Variants in TOX observed in about 807,000 individuals in gnomAD.
TOX encodes the protein thymocyte selection-associated high mobility group box protein TOX.
In TOX, 11 loss-of-function variants were observed where a neutral mutation model predicts 53.7. The ratio of observed to expected loss-of-function variants is 0.20; its 90% CI spans 0.13 to 0.34. The LOEUF is 0.34. TOX is among the 10% of genes least tolerant of loss of function. The pLI, the probability that TOX is intolerant of heterozygous loss-of-function variation, is 1.00. For missense variants in TOX, 570 were observed against 664.6 expected, an observed-to-expected ratio of 0.86 and a Z score of 1.56; for synonymous variants, 225 against 245.3, an observed-to-expected ratio of 0.92 and a Z score of 0.77.
intron 6 of TOX, among the ~76,000 whole-genome samples, chr8:58,824,781 C>T (rs1276803038): frequency 1.2e-4 from 19 of 152,196 alleles, no homozygotes; most frequent in Admixed American, 1.2e-3. Context: ...AAGGATTTCC[C>T]TGTTCTCCAC....
chr8:58,893,411 T>C (rs1014495629), intron 3 of TOX, among the ~76,000 whole-genome samples: 1 of 152,232 alleles, frequency 6.6e-6, no homozygotes, highest in Non-Finnish European at 1.5e-5. Context: ...TATTCACCAC[T>C]GCAGTGGTCC....
chr8:59,050,778 T>A (rs34961315), intron 1 of TOX, among the ~76,000 whole-genome samples: 1 of 152,262 alleles, frequency 6.6e-6, no homozygotes, highest in South Asian at 2.1e-4. Flanking sequence ...TTGACAGAAC[T>A]GAATTGTTTT....
intron 1 of TOX, among the ~76,000 whole-genome samples, chr8:59,074,112 C>T (rs79886550): frequency 1.4e-4 from 21 of 152,228 alleles, no homozygotes; most frequent in African/African-American, 4.8e-4. Flanking sequence ...TTAACTTCTC[C>T]GACAATAAAT....
intron 5 of TOX, among the ~76,000 whole-genome samples, chr8:58,835,024 A>T (rs1810522892): frequency 6.6e-6 from 1 of 152,168 alleles, no homozygotes; most frequent in African/African-American, 2.4e-5. Context: ...ATTTTAAAAC[A>T]TTTACTTTTG....
intron 1 of TOX, among the ~76,000 whole-genome samples, chr8:58,978,752 C>A (rs1008845094): frequency 2.0e-5 from 3 of 152,190 alleles, no homozygotes; most frequent in African/African-American, 7.2e-5. Flanking sequence ...CACCCACAGT[C>A]TGTAGTTTAC....
intron 1 of TOX, among the ~76,000 whole-genome samples, chr8:59,003,401 G>C (rs116595467): frequency 7.9e-5 from 12 of 152,252 alleles, no homozygotes; most frequent in African/African-American, 2.6e-4. Context: ...ATTCTCACCT[G>C]ATCCTGGCCT....
At chr8:58,859,674 T>A (rs1019909794) in intron 3 of TOX, among the ~76,000 whole-genome samples, 3 of 152,230 alleles carry the variant, frequency 2.0e-5, no homozygotes, top group Admixed American at 2.0e-4. Flanking sequence ...ACTGCCTGAC[T>A]TCTACATTAC....
intron 1 of TOX, among the ~76,000 whole-genome samples, chr8:59,014,383 T>A (rs1007039216): frequency 2.0e-5 from 3 of 152,250 alleles, no homozygotes; most frequent in Non-Finnish European, 2.9e-5. Context: ...TCATGACTGA[T>A]CATTTAAATT....
intron 1 of TOX, among the ~76,000 whole-genome samples, chr8:59,015,660 G>T (rs569823721): frequency 2.4e-4 from 36 of 152,208 alleles, no homozygotes; most frequent in Non-Finnish European, 2.9e-4. Flanking sequence ...TTTATCTATT[G>T]GTTTGCTTTG....
intron 3 of TOX, among the ~76,000 whole-genome samples, chr8:58,889,443 C>G (rs1024280400): frequency 6.6e-6 from 1 of 151,916 alleles, no homozygotes; most frequent in South Asian, 2.1e-4. Flanking sequence ...GAATAAGAAT[C>G]TGTAAGCTCT....
At chr8:58,906,966 A>C (rs545643957) in intron 3 of TOX, among the ~76,000 whole-genome samples, 3 of 152,350 alleles carry the variant, frequency 2.0e-5, no homozygotes, top group South Asian at 4.1e-4. Context: ...AAATTCCTTC[A>C]GCCTGTAGCA....
intron 1 of TOX, among the ~76,000 whole-genome samples, chr8:59,051,654 CAAAT>C (rs974001871): frequency 6.6e-6 from 1 of 152,002 alleles, no homozygotes; most frequent in Non-Finnish European, 1.5e-5. Flanking sequence ...TCTTAGCAAA[CAAAT>C]AAAGAAAATC....
intron 1 of TOX, among the ~76,000 whole-genome samples, chr8:58,973,187 A>G (rs1349378898): frequency 1.3e-5 from 2 of 152,240 alleles, no homozygotes; most frequent in Non-Finnish European, 2.9e-5. Flanking sequence ...TAATGCAGGC[A>G]ACAAAGCTCT....
intron 1 of TOX, among the ~76,000 whole-genome samples, chr8:59,072,083 A>C (rs769856564): frequency 2.0e-5 from 3 of 152,144 alleles, no homozygotes; most frequent in Non-Finnish European, 1.5e-5. Flanking sequence ...CCAACCTCCT[A>C]GGGACCAGCA....
At chr8:59,021,227 T>C (rs13273735) in intron 1 of TOX, among the ~76,000 whole-genome samples, 27,009 of 149,992 alleles carry the variant, frequency 0.18, 2,680 homozygotes, top group Non-Finnish European at 0.22. Context: ...CAGCCTTTTT[T>C]TTTCTATTAA....
chr8:58,924,409 G>A (rs537899390), intron 3 of TOX, among the ~76,000 whole-genome samples: 6 of 152,326 alleles, frequency 3.9e-5, no homozygotes, highest in Non-Finnish European at 7.3e-5. Flanking sequence ...ATACTCACTC[G>A]AAGATTCTCA....
intron 1 of TOX, among the ~76,000 whole-genome samples, chr8:58,963,183 A>G (rs1585927438): frequency 2.0e-5 from 3 of 152,108 alleles, no homozygotes. Flanking sequence ...CTGGAACTAC[A>G]CCATCGGTTC....
At chr8:58,964,233 G>C (rs542893876) in intron 1 of TOX, among the ~76,000 whole-genome samples, 9 of 152,176 alleles carry the variant, frequency 5.9e-5, no homozygotes, top group Admixed American at 1.3e-4. Context: ...GGAATCAAGA[G>C]ACCTGGCTAT....
intron 1 of TOX, among the ~76,000 whole-genome samples, chr8:59,064,665 C>T (rs948045679): frequency 1.3e-5 from 2 of 152,060 alleles, no homozygotes; most frequent in African/African-American, 4.8e-5. Context: ...AATAAATTGA[C>T]ATTAATTTAT....
Sources: allele counts gnomAD v4.1 joint callset (sites outside exome capture counted in the v4.1 genomes callset), GRCh38; gene constraint gnomAD v4.1.1; transcripts MANE v1.5; gene names NCBI Gene and HGNC (gene_info 2026-07-23, HGNC 2026-07-21).